TMEM182: variants seen among roughly 807,000 people sequenced by gnomAD.
TMEM182 encodes the protein transmembrane protein 182.
A neutral mutation model predicts 26.8 loss-of-function variants in TMEM182; 20 were observed. The ratio of observed to expected loss-of-function variants is 0.75; its 90% CI spans 0.53 to 1.09. TMEM182 has a LOEUF of 1.09. Ranked by LOEUF, TMEM182 falls within the 50% of genes least tolerant of loss-of-function variation. The pLI, the probability that TMEM182 is intolerant of heterozygous loss-of-function variation, is 0.00. For synonymous variants in TMEM182, 109 were observed against 102.2 expected, an observed-to-expected ratio of 1.07 and a Z score of -0.40; for missense variants, 277 against 275.5, an observed-to-expected ratio of 1.01 and a Z score of -0.04.
Position 102,815,374 on chromosome 2 carries a change from C to A in TMEM182, c.*406C>A. 2 of 997,554 alleles carry A rather than the reference C, an allele frequency of 2.0e-6. No homozygotes were observed. The highest frequency in any genetic ancestry group is 2.4e-6 in the Non-Finnish European group (2 of 838,100). The allele number at this position is 997,554 out of a possible 1,614,324, so 61.8% of individuals were successfully genotyped here. A position where few individuals can be genotyped will look rare whatever the true frequency, so the allele number is the denominator to read the frequency against. On this transcript the variant is annotated 3_prime_UTR_variant, in exon 5 of 5. Coordinates refer to ENST00000412401, the MANE Select transcript of TMEM182 (RefSeq NM_144632.5). ...TCCTTGAAGAATAATTAAGAATGGG[C>A]AAGGTTGTCAGAGAATTTATTTTGT...
intron 1 of TMEM182, among the ~76,000 whole-genome samples, chr2:102,743,463 C>T (rs1179421671): frequency 3.9e-5 from 6 of 152,192 alleles, no homozygotes; most frequent in African/African-American, 1.4e-4. Flanking sequence ...CTGACTGCAC[C>T]TCAGCCTGGG....
chr2:102,737,216 A>G (rs1397652172), intron 1 of TMEM182, among the ~76,000 whole-genome samples: 1 of 152,184 alleles, frequency 6.6e-6, no homozygotes, highest in Admixed American at 6.5e-5. Context: ...GACCTAGGAT[A>G]CGTTAACGTG....
intron 4 of TMEM182, among the ~76,000 whole-genome samples, chr2:102,806,029 A>G (rs1278962439): frequency 6.6e-6 from 1 of 152,164 alleles, no homozygotes; most frequent in Non-Finnish European, 1.5e-5. Flanking sequence ...ATTACTATCT[A>G]CTATTTACTC....
At chr2:102,784,623 G>A (rs1032114390) in intron 3 of TMEM182, among the ~76,000 whole-genome samples, 2 of 152,186 alleles carry the variant, frequency 1.3e-5, no homozygotes, top group African/African-American at 4.8e-5. Flanking sequence ...AGAAAGTTGA[G>A]GAATAAAAGA....
chr2:102,741,325 C>T (rs1337240442), intron 1 of TMEM182, among the ~76,000 whole-genome samples: 1 of 152,092 alleles, frequency 6.6e-6, no homozygotes, highest in Admixed American at 6.6e-5. Context: ...GGGATACCCC[C>T]ACAATTTAAT....
chr2:102,761,975 C>T (rs537351859), upstream of TMEM182: 7 of 381,538 alleles, frequency 1.8e-5, no homozygotes, highest in Non-Finnish European at 3.4e-5. Context: ...CTTAAAATAG[C>T]CAGCAATTCT....
At chr2:102,836,642 A>C (rs1683251874) in intron 3 of TMEM182, among the ~76,000 whole-genome samples, 1 of 152,180 alleles carries the variant, frequency 6.6e-6, no homozygotes, top group Non-Finnish European at 1.5e-5. Context: ...CACAAAGCCA[A>C]GTGTTCAGAG....
At chr2:102,830,257 A>G (rs952915479) in intron 3 of TMEM182, among the ~76,000 whole-genome samples, 1 of 152,230 alleles carries the variant, frequency 6.6e-6, no homozygotes, top group East Asian at 1.9e-4. Context: ...CAACCACTTC[A>G]TATAAATTAC....
chr2:102,800,797 T>TTGTGTG (rs71378190), intron 4 of TMEM182, among the ~76,000 whole-genome samples: 328 of 137,870 alleles, frequency 2.4e-3, no homozygotes, highest in East Asian at 6.7e-3. Context: ...TTTGGACAGT[T>TTGTGTG]TGTGTGTGTG....
At chr2:102,821,476 G>A (rs1398338246), downstream of TMEM182, among the ~76,000 whole-genome samples, 1 of 152,122 alleles carries the variant, frequency 6.6e-6, no homozygotes, top group African/African-American at 2.4e-5. Context: ...TGACATGCCT[G>A]CTCCCTCTTT....
intron 3 of TMEM182, among the ~76,000 whole-genome samples, chr2:102,822,933 C>A (rs746582282): frequency 1.5e-4 from 23 of 152,154 alleles, no homozygotes; most frequent in Non-Finnish European, 2.6e-4. Flanking sequence ...AACCAACCAA[C>A]CAAACAAAAT....
At chr2:102,801,785 G>T (rs1049435501) in intron 4 of TMEM182, among the ~76,000 whole-genome samples, 2 of 152,236 alleles carry the variant, frequency 1.3e-5, no homozygotes, top group African/African-American at 4.8e-5. Context: ...TTCTTAGATA[G>T]TGTTTACAAG....
At chr2:102,809,342 A>G (rs187187666) in intron 4 of TMEM182, among the ~76,000 whole-genome samples, 107 of 152,320 alleles carry the variant, frequency 7.0e-4, no homozygotes, top group Non-Finnish European at 1.1e-3. Flanking sequence ...CAGTAAATAC[A>G]TAGCTTATCA....
rs557497843 is a variant in TMEM182 at position 102,743,628 on chromosome 2, T to A, written c.-83+6615T>A. On this transcript the variant is annotated intron_variant, in intron 1 of 5. Transcript: ENST00000409173. ...GGTATTCATTCCACTATATGAATAATCACTTTAAATGTGATTGGTCTAAAT... is the reference window on the plus strand; with the variant it reads ...GGTATTCATTCCACTATATGAATAAACACTTTAAATGTGATTGGTCTAAAT... Among the ~76,000 whole-genome samples the A allele has an allele frequency of 3.9e-5, 6 of 152,312 alleles. No individual in the cohort carries two copies. In the South Asian group the frequency reaches 1.2e-3, roughly 32 times the overall value.
intron 4 of TMEM182, among the ~76,000 whole-genome samples, chr2:102,806,180 A>AT (rs565398790): frequency 1.3e-4 from 19 of 150,586 alleles, no homozygotes; most frequent in African/African-American, 2.9e-4. Flanking sequence ...AAGTTTTATA[A>AT]TTTTTTTTTT....
At chr2:102,736,983 C>G (rs1025689979) in exon 1 of TMEM182, 1 of 683,666 alleles carries the variant, frequency 1.5e-6, no homozygotes, top group Non-Finnish European at 2.4e-6. Flanking sequence ...TGGTCTCAGG[C>G]AAGGTGGGGA....
intron 3 of TMEM182, among the ~76,000 whole-genome samples, chr2:102,840,357 G>T (rs1683325306): frequency 6.6e-6 from 1 of 152,120 alleles, no homozygotes; most frequent in Non-Finnish European, 1.5e-5. Flanking sequence ...TTGTAACCTG[G>T]GTACCTGCAG....
chr2:102,741,539 C>T (rs563850802), intron 1 of TMEM182, among the ~76,000 whole-genome samples: 1 of 152,226 alleles, frequency 6.6e-6, no homozygotes, highest in East Asian at 1.9e-4. Flanking sequence ...TCTTACGTTA[C>T]TTGGAAAAGG....
At chr2:102,838,391 G>A (rs1052857603) in intron 3 of TMEM182, among the ~76,000 whole-genome samples, 11 of 152,184 alleles carry the variant, frequency 7.2e-5, no homozygotes, top group African/African-American at 2.4e-5. Flanking sequence ...TGAGTGTAAT[G>A]CAATGTCATG....
Sources: allele counts gnomAD v4.1 joint callset (sites outside exome capture counted in the v4.1 genomes callset), GRCh38; gene constraint gnomAD v4.1.1; transcripts MANE v1.5; gene names NCBI Gene and HGNC (gene_info 2026-07-23, HGNC 2026-07-21).